The following BCAT1 variants were observed in gnomAD, a reference collection of about 807,000 sequenced individuals.
The protein encoded by BCAT1 is branched-chain-amino-acid aminotransferase, cytosolic.
BCAT1 carries 48 observed loss-of-function variants against 52.4 expected under a neutral mutation model. That is an observed-to-expected ratio of 0.92 (90% CI 0.73 to 1.16). The LOEUF (loss-of-function observed/expected upper bound fraction) is 1.16. Ranked by LOEUF, BCAT1 falls within the 50% of genes most tolerant of loss-of-function variation. The pLI, the probability that BCAT1 is intolerant of heterozygous loss-of-function variation, is 0.00. For missense variants in BCAT1, 451 were observed against 457.1 expected, an observed-to-expected ratio of 0.99 and a Z score of 0.12; for synonymous variants, 167 against 161.3, an observed-to-expected ratio of 1.04 and a Z score of -0.27.
chr12:24,916,767 C>G (rs1943416243), intron 1 of BCAT1, among the ~76,000 whole-genome samples: 1 of 152,282 alleles, frequency 6.6e-6, no homozygotes, highest in East Asian at 1.9e-4. Context: ...TCTCAAACTC[C>G]TGACCTTGTG....
chr12:24,926,110 C>A (rs1251521528), intron 1 of BCAT1, among the ~76,000 whole-genome samples: 4 of 151,038 alleles, frequency 2.6e-5, no homozygotes, highest in African/African-American at 9.7e-5. Context: ...GTGAGGAGCG[C>A]CTCTTCCCGG....
Position 24,897,774 on chromosome 12 carries a change from G to A in BCAT1, c.79-3299C>T, listed in dbSNP as rs560667296. 2.3e-4 allele frequency among the ~76,000 whole-genome samples: 35 copies of A among 152,156 alleles called. No individual in the cohort carries two copies. In the South Asian group the frequency reaches 7.1e-3, roughly 31 times the overall value. ...TCACCATGTTGACCAGGCTGGTCTC[G>A]AACTCCTGACCTCAGGTGACCCACC... On this transcript the variant is annotated intron_variant, in intron 2 of 10. Transcript: ENST00000261192.
chr12:24,823,233 T>G (rs1940222039), intron 10 of BCAT1, among the ~76,000 whole-genome samples: 1 of 151,654 alleles, frequency 6.6e-6, no homozygotes, highest in Admixed American at 6.6e-5. Flanking sequence ...TTTGTTTGTT[T>G]GTTTGTTTGT....
chr12:24,838,718 T>G (rs957054627), intron 7 of BCAT1, among the ~76,000 whole-genome samples: 1 of 152,188 alleles, frequency 6.6e-6, no homozygotes, highest in Admixed American at 6.5e-5. Flanking sequence ...CAGACAGAGA[T>G]GATGACATGA....
At chr12:24,923,619 A>G (rs780671356) in intron 1 of BCAT1, among the ~76,000 whole-genome samples, 8 of 152,146 alleles carry the variant, frequency 5.3e-5, no homozygotes, top group Non-Finnish European at 1.2e-4. Context: ...CATGTTGCCC[A>G]GCCTGGTCTC....
At chr12:24,937,219 A>G (rs1313380057) in intron 1 of BCAT1, among the ~76,000 whole-genome samples, 2 of 151,944 alleles carry the variant, frequency 1.3e-5, no homozygotes, top group African/African-American at 4.9e-5. Flanking sequence ...TTGAGGAAGT[A>G]GCATCCAATC....
intron 1 of BCAT1, among the ~76,000 whole-genome samples, chr12:24,911,876 G>A (rs1943333752): frequency 6.6e-6 from 1 of 152,198 alleles, no homozygotes; most frequent in Admixed American, 6.5e-5. Context: ...CATTTCCTGT[G>A]TGGAAAACAA....
At chr12:24,943,245 G>C (rs1943874129) in intron 1 of BCAT1, among the ~76,000 whole-genome samples, 1 of 152,134 alleles carries the variant, frequency 6.6e-6, no homozygotes, top group Non-Finnish European at 1.5e-5. Flanking sequence ...TGTAATCCCA[G>C]CACTTTGGAG....
intron 3 of BCAT1, among the ~76,000 whole-genome samples, chr12:24,887,796 G>A (rs140092182): frequency 1.3e-4 from 20 of 152,120 alleles, no homozygotes; most frequent in African/African-American, 2.9e-4. Context: ...TTCAATCCGC[G>A]TTCCCTACTC....
chr12:24,936,740 CA>C (rs1565506088), intron 1 of BCAT1, among the ~76,000 whole-genome samples: 1 of 149,904 alleles, frequency 6.7e-6, no homozygotes, highest in African/African-American at 2.4e-5. Context: ...CACACACACA[CA>C]TACACACACA....
chr12:24,890,825 CT>C (rs1942817928), intron 3 of BCAT1, among the ~76,000 whole-genome samples: 1 of 152,144 alleles, frequency 6.6e-6, no homozygotes, highest in Non-Finnish European at 1.5e-5. Flanking sequence ...CCTTTACTTT[CT>C]TAATAAATTT....
chr12:24,923,211 G>A (rs1164068297), intron 1 of BCAT1, among the ~76,000 whole-genome samples: 1 of 152,114 alleles, frequency 6.6e-6, no homozygotes, highest in Non-Finnish European at 1.5e-5. Flanking sequence ...TTCTTTTCAG[G>A]GAATGGTGAG....
intron 1 of BCAT1, among the ~76,000 whole-genome samples, chr12:24,911,094 T>C (rs1483431411): frequency 1.3e-5 from 2 of 150,890 alleles, no homozygotes; most frequent in South Asian, 2.1e-4. Flanking sequence ...AGAGTGAGAC[T>C]GTCTTAAAAA....
intron 1 of BCAT1, among the ~76,000 whole-genome samples, chr12:24,931,060 G>A (rs772556977): frequency 9.9e-5 from 15 of 151,860 alleles, no homozygotes; most frequent in South Asian, 4.2e-4. Context: ...CCACCACCAC[G>A]CCTGGCTAAG....
chr12:24,870,880 AG>A, intron 5 of BCAT1, among the ~76,000 whole-genome samples: 1 of 152,188 alleles, frequency 6.6e-6, no homozygotes, highest in East Asian at 1.9e-4. Context: ...AAAATTAGCC[AG>A]GTGTAGTGGT....
chr12:24,839,616 C>T (rs1182874052), intron 7 of BCAT1, among the ~76,000 whole-genome samples: 1 of 152,172 alleles, frequency 6.6e-6, no homozygotes, highest in African/African-American at 2.4e-5. Context: ...CTGAGTGCCA[C>T]ACATAGTGAC....
intron 3 of BCAT1, among the ~76,000 whole-genome samples, chr12:24,890,509 T>C (rs371195032): frequency 1.3e-5 from 2 of 152,246 alleles, no homozygotes; most frequent in Admixed American, 6.5e-5. Context: ...AAATCCCATA[T>C]GGCAATGAAA....
intron 10 of BCAT1, among the ~76,000 whole-genome samples, chr12:24,820,752 C>T (rs1940085446): frequency 6.6e-6 from 1 of 152,182 alleles, no homozygotes; most frequent in African/African-American, 2.4e-5. Context: ...CCAGCGAGAA[C>T]ACTAAACTAA....
At position 24,881,354 on chromosome 12, in the gene BCAT1, G is replaced by T. The variant is rs1457604212; in HGVS notation, c.337C>A (p.Pro113Thr). 3 of 1,613,502 alleles carry T rather than the reference G, an allele frequency of 1.9e-6. No homozygotes were observed. Among genetic ancestry groups the T allele is most frequent in the Non-Finnish European group, 2.5e-6 (3 of 1,179,500 alleles). The change falls in exon 4 of 11, where the codon CCA (proline) becomes ACA (threonine). Residue 113 changes from proline to threonine, a missense_variant. Transcript: ENST00000261192. ...GVDNKIRLFQ[P>T]NLNMDRMYRS... ...TACATTCTATCCATGTTGAGGTTTG[G>T]CTGAAACAGTCGAATTTTATTATCT...
Sources: gnomAD v4.1 joint callset for allele counts (sites outside exome capture counted in the v4.1 genomes callset) on GRCh38, gnomAD v4.1.1 for gene constraint, MANE v1.5 for transcripts, NCBI Gene and HGNC (gene_info 2026-07-23, HGNC 2026-07-21) for gene names.